The following BRSK2 variants were observed in gnomAD, a reference collection of about 807,000 sequenced individuals.
BRSK2 encodes the protein serine/threonine-protein kinase BRSK2.
BRSK2 carries 19 observed loss-of-function variants against 83.3 expected under a neutral mutation model. The observed-to-expected ratio is 0.23, with a 90% CI of 0.16 to 0.33. BRSK2 has a LOEUF of 0.33. BRSK2 is among the 10% of genes least tolerant of loss of function. The pLI is 1.00. For missense variants in BRSK2, 798 were observed against 1,042.3 expected (o/e 0.77, Z 3.23); for synonymous variants, 519 against 435.4 (o/e 1.19, Z -2.39).
At chr11:1,398,011 C>CGGCTGCCTGCAT (rs1319482210) in intron 1 of BRSK2, among the ~76,000 whole-genome samples, 4 of 152,212 alleles carry the variant, frequency 2.6e-5, no homozygotes, top group African/African-American at 4.8e-5. Context: ...GGCGCCTGGA[C>CGGCTGCCTGCAT]GGCTGCCTGC....
intron 1 of BRSK2, among the ~76,000 whole-genome samples, chr11:1,391,539 CA>C (rs1324319524): frequency 6.6e-6 from 1 of 152,166 alleles, no homozygotes; most frequent in Non-Finnish European, 1.5e-5. Flanking sequence ...CTGAGGGGTT[CA>C]GGGGAGCTGC....
chr11:1,459,171 T>C (rs1847063812), intron 18 of BRSK2, 21 bp from the exon 19 acceptor site: 2 of 1,611,556 alleles, frequency 1.2e-6, no homozygotes, highest in East Asian at 4.5e-5. Flanking sequence ...CCCTCCCTCC[T>C]CTCTCCATTC....
chr11:1,440,000 C>T (rs371363188), intron 3 of BRSK2, among the ~76,000 whole-genome samples: 105 of 152,320 alleles, frequency 6.9e-4, no homozygotes, highest in Admixed American at 2.7e-3. Flanking sequence ...CATCCCAGTC[C>T]GCACGGCAGC....
Position 1,405,569 on chromosome 11 carries a change from G to A in BRSK2, c.91+15194G>A, listed in dbSNP as rs548728785. 1.4e-4 allele frequency among the ~76,000 whole-genome samples: 21 copies of A among 152,148 alleles called. No homozygotes were observed. The South Asian group carries it at 3.7e-3, about 27-fold the overall frequency. On this transcript the variant is annotated intron_variant, in intron 1 of 19. Transcript: ENST00000528841. The stretch of plus-strand genomic sequence containing the variant: ...CCCTTCCTCTAGGAAAACATGCCCT[G>A]TCCTGCCCAGGGGTCTGGGATGGGG...
intron 1 of BRSK2, among the ~76,000 whole-genome samples, chr11:1,427,129 C>G (rs1426853389): frequency 6.6e-6 from 1 of 152,138 alleles, no homozygotes; most frequent in East Asian, 1.9e-4. Context: ...CCCATCCCCT[C>G]TCTCCCCACA....
chr11:1,443,467 C>T (rs769029307), intron 7 of BRSK2, 22 bp from the exon 8 acceptor site: 26 of 1,578,178 alleles, frequency 1.6e-5, no homozygotes, highest in Non-Finnish European at 2.2e-5. Context: ...CCACGCTGAC[C>T]CCCACACCCG....
chr11:1,460,065 C>T (rs534261924), intron 19 of BRSK2, among the ~76,000 whole-genome samples: 8 of 130,150 alleles, frequency 6.1e-5, no homozygotes, highest in African/African-American at 2.0e-4. Context: ...TGGGGTGGGT[C>T]GGCCCTCACG....
chr11:1,414,428 A>G (rs1847881234), intron 1 of BRSK2, among the ~76,000 whole-genome samples: 1 of 152,172 alleles, frequency 6.6e-6, no homozygotes, highest in Admixed American at 6.5e-5. Context: ...GGATGAACTT[A>G]TGTGTGGAAT....
chr11:1,414,501 A>G (rs1408324523), intron 1 of BRSK2, among the ~76,000 whole-genome samples: 7 of 152,378 alleles, frequency 4.6e-5, no homozygotes, highest in African/African-American at 7.2e-5. Flanking sequence ...AAAGGCAGCA[A>G]TTGTTTGGAA....
chr11:1,452,267 T>C, intron 15 of BRSK2, among the ~76,000 whole-genome samples: 1 of 152,190 alleles, frequency 6.6e-6, no homozygotes, highest in South Asian at 2.1e-4. Context: ...CTGCAGCCTG[T>C]GCCAGGATTC....
chr11:1,428,737 C>T (rs1310181154), intron 1 of BRSK2, among the ~76,000 whole-genome samples: 4 of 152,196 alleles, frequency 2.6e-5, no homozygotes, highest in Admixed American at 6.5e-5. Context: ...CATGTTTGTA[C>T]GTATGTGTGC....
chr11:1,451,304 G>C, intron 14 of BRSK2, 67 bp from the exon 15 acceptor site: 1 of 1,588,932 alleles, frequency 6.3e-7, no homozygotes, highest in Non-Finnish European at 8.6e-7. Context: ...TCGGCGCAAG[G>C]TGGCCAGGGC....
chr11:1,460,050 G>A (rs573345623), intron 19 of BRSK2, among the ~76,000 whole-genome samples: 9 of 151,824 alleles, frequency 5.9e-5, no homozygotes, highest in Non-Finnish European at 1.3e-4. Context: ...TGTCATCTCC[G>A]GCGTTGGGGT....
At chr11:1,413,087 G>A (rs1847720214) in intron 1 of BRSK2, among the ~76,000 whole-genome samples, 1 of 152,144 alleles carries the variant, frequency 6.6e-6, no homozygotes, top group South Asian at 2.1e-4. Context: ...GGATGGGGCT[G>A]GGCAGGGACT....
intron 1 of BRSK2, among the ~76,000 whole-genome samples, chr11:1,418,694 G>A (rs1204178774): frequency 6.6e-6 from 1 of 152,262 alleles, no homozygotes; most frequent in African/African-American, 2.4e-5. Flanking sequence ...TGCATACGCT[G>A]TAATGTTTTG....
chr11:1,435,944 A>G (rs1031857367), intron 1 of BRSK2, 96 bp from the exon 2 acceptor site: 2 of 892,484 alleles, frequency 2.2e-6, no homozygotes, highest in Admixed American at 2.4e-5. Flanking sequence ...CCTGCTGTCC[A>G]GGACGTGGGA....
rs1590742944 is a variant in BRSK2, at chr11:1,460,807, G to A, written c.*84G>A. ...CCGCCCTGCCCCGAGTGGACCCGCG[G>A]CCGCGCCGCCCGTCCGTCCAGACTG... On this transcript the variant is annotated 3_prime_UTR_variant, in exon 20 of 20. Transcript: ENST00000528841. 1 of 1,474,046 alleles carries A rather than the reference G, an allele frequency of 6.8e-7. No individual in the cohort carries two copies. 91.3% of individuals were successfully genotyped at this position (1,474,046 alleles called of 1,614,324 possible).
Position 1,395,668 on chromosome 11 carries a change from C to A in BRSK2, c.91+5293C>A, listed in dbSNP as rs529912940. ...GTTGACGTGGGTCTCCCTGCCTTGT[C>A]ACTGGCAATGGCTGGAAAAGACACG... On this transcript the variant is annotated intron_variant, in intron 1 of 19. Transcript: ENST00000528841. 4.6e-5 allele frequency among the ~76,000 whole-genome samples: 7 copies of A among 152,358 alleles called. No homozygotes were observed. In the South Asian group the frequency reaches 1.4e-3, roughly 32 times the overall value.
At chr11:1,414,900 C>T (rs1462423570) in intron 1 of BRSK2, among the ~76,000 whole-genome samples, 1 of 152,166 alleles carries the variant, frequency 6.6e-6, no homozygotes, top group Non-Finnish European at 1.5e-5. Context: ...GGGTTTCCTT[C>T]CTTTTGAGGC....
Sources: gnomAD v4.1 joint callset for allele counts (sites outside exome capture counted in the v4.1 genomes callset) on GRCh38, gnomAD v4.1.1 for gene constraint, MANE v1.5 for transcripts, NCBI Gene and HGNC (gene_info 2026-07-23, HGNC 2026-07-21) for gene names.